TP53BP1: variants seen among roughly 807,000 people sequenced by gnomAD.
The protein encoded by TP53BP1 is tumor protein p53 binding protein 1, also known as TP53-binding protein 1.
Under a neutral mutation model 200.8 loss-of-function variants are expected in TP53BP1, and 61 were observed. That is an observed-to-expected ratio of 0.30 (90% CI 0.25 to 0.38). TP53BP1 has a LOEUF of 0.38. Among genes scored for constraint, TP53BP1 ranks in the 10% least tolerant of loss-of-function variants. The probability of loss-of-function intolerance (pLI) is 1.00; values close to 1 mark genes in which losing one functional copy is unlikely to be tolerated. For missense variants in TP53BP1, 2,144 were observed against 2,371.9 expected (o/e 0.90, Z 2.00); for synonymous variants, 822 against 844.3 (o/e 0.97, Z 0.46).
At chr15:43,481,945 C>T (rs982524781) in intron 4 of TP53BP1, among the ~76,000 whole-genome samples, 2 of 150,816 alleles carry the variant, frequency 1.3e-5, no homozygotes, top group East Asian at 2.0e-4. Flanking sequence ...AAGTTAACAC[C>T]GACCAGGCAC....
intron 26 of TP53BP1, chr15:43,408,519 CTTCT>C (rs766490382): frequency 1.4e-4 from 37 of 269,572 alleles, no homozygotes; most frequent in Admixed American, 4.4e-4. Flanking sequence ...CCTTCTCTTC[CTTCT>C]TTCTATGAAT....
At chr15:43,440,347 T>C (rs1388556060) in intron 15 of TP53BP1, among the ~76,000 whole-genome samples, 6 of 151,436 alleles carry the variant, frequency 4.0e-5, no homozygotes, top group Non-Finnish European at 8.8e-5. Context: ...CCGTCTCCAC[T>C]AAAAATACAA....
intron 1 of TP53BP1, among the ~76,000 whole-genome samples, chr15:43,508,324 C>T (rs1056016146): frequency 1.3e-5 from 2 of 152,172 alleles, no homozygotes; most frequent in Admixed American, 6.5e-5. Context: ...CACGCCACTG[C>T]ACTCCAACCT....
intron 11 of TP53BP1, among the ~76,000 whole-genome samples, chr15:43,457,975 T>C (rs1415959945): frequency 6.6e-6 from 1 of 151,882 alleles, no homozygotes; most frequent in East Asian, 1.9e-4. Context: ...GCCAAGATCG[T>C]GTCATTGCAC....
intron 24 of TP53BP1, among the ~76,000 whole-genome samples, chr15:43,411,645 C>A (rs182885430): frequency 6.6e-6 from 1 of 152,322 alleles, no homozygotes; most frequent in East Asian, 1.9e-4. Flanking sequence ...TGGGCTGCGC[C>A]CAAGGATGAA....
chr15:43,431,411 A>G (rs914747795), intron 17 of TP53BP1, among the ~76,000 whole-genome samples: 1 of 151,764 alleles, frequency 6.6e-6, no homozygotes, highest in Non-Finnish European at 1.5e-5. Context: ...CTTTTCATCT[A>G]CTCAATTTTT....
intron 18 of TP53BP1, among the ~76,000 whole-genome samples, chr15:43,426,297 G>A (rs928380756): frequency 2.6e-5 from 4 of 151,144 alleles, no homozygotes; most frequent in Non-Finnish European, 5.9e-5. Flanking sequence ...AAAATTAGCT[G>A]GGCATGGTGG....
Position 43,404,576 on chromosome 15 carries a change from C to T in TP53BP1, c.*2807G>A, listed in dbSNP as rs756649441. 1 of 1,610,150 alleles carries T rather than the reference C, an allele frequency of 6.2e-7. No individual in the cohort carries two copies. The highest frequency in any genetic ancestry group is 2.2e-5 in the East Asian group (1 of 44,864). ...AGGTAGGAGCAACCCTTGGGTAACT[C>T]AGTAGACTTTTTAAGGTGGCTTTTT... On this transcript the variant is annotated 3_prime_UTR_variant, in exon 28 of 28. Transcript: ENST00000382044.
intron 15 of TP53BP1, among the ~76,000 whole-genome samples, chr15:43,440,549 T>G (rs2045904770): frequency 6.6e-6 from 1 of 151,096 alleles, no homozygotes; most frequent in Non-Finnish European, 1.5e-5. Flanking sequence ...CTCTGTCTTG[T>G]ACCTAGCCAC....
chr15:43,504,113 C>CT (rs970527348), intron 1 of TP53BP1, among the ~76,000 whole-genome samples: 4 of 151,792 alleles, frequency 2.6e-5, no homozygotes, highest in Non-Finnish European at 5.9e-5. Flanking sequence ...AGCAAGACCC[C>CT]CCTCCTCATC....
At chr15:43,413,438 G>T in intron 23 of TP53BP1, 104 bp from the exon 24 acceptor site, 2 of 886,210 alleles carry the variant, frequency 2.3e-6, no homozygotes, top group Non-Finnish European at 3.4e-6. Flanking sequence ...TGATGGGCAG[G>T]CACTGTCCTG....
At chr15:43,425,803 C>A (rs2142994492) in intron 18 of TP53BP1, among the ~76,000 whole-genome samples, 1 of 152,310 alleles carries the variant, frequency 6.6e-6, no homozygotes, top group Middle Eastern at 3.4e-3. Flanking sequence ...GAACAAAAAT[C>A]TTTTTAAAAC....
At chr15:43,426,077 A>AC (rs914235615) in intron 18 of TP53BP1, among the ~76,000 whole-genome samples, 1 of 151,794 alleles carries the variant, frequency 6.6e-6, no homozygotes, top group African/African-American at 2.4e-5. Context: ...AAAAAAAAAA[A>AC]CAAAAAATAT....
chr15:43,464,247 G>T (rs1398965742), intron 11 of TP53BP1, among the ~76,000 whole-genome samples: 2 of 152,168 alleles, frequency 1.3e-5, no homozygotes, highest in Non-Finnish European at 2.9e-5. Context: ...CCACCTGGAA[G>T]AAATAGGACT....
At chr15:43,477,870 G>T in intron 7 of TP53BP1, 111 bp from the exon 8 acceptor site, 1 of 772,452 alleles carries the variant, frequency 1.3e-6, no homozygotes, top group Non-Finnish European at 2.0e-6. Context: ...AATTCCAGTG[G>T]CTCTAATTTA....
intron 1 of TP53BP1, among the ~76,000 whole-genome samples, chr15:43,504,611 C>A (rs1274540789): frequency 6.6e-6 from 1 of 152,032 alleles, no homozygotes; most frequent in Admixed American, 6.6e-5. Context: ...ATAAATAAAT[C>A]CTTAGATGAG....
chr15:43,403,553 G>A lies in TP53BP1; in HGVS notation c.*3830C>T. On this transcript the variant is annotated 3_prime_UTR_variant, in exon 28 of 28. Transcript: ENST00000382044. ...GCTGGCAGGCCTTGCACGTGGCAGT[G>A]TCTATCCTGTCAGATTTGGGAGGTC... 1 of 695,874 alleles carries A rather than the reference G, an allele frequency of 1.4e-6. No individual in the cohort carries two copies. The highest frequency in any genetic ancestry group is 1.9e-5 in the South Asian group (1 of 53,580). 43.1% of individuals were successfully genotyped at this position (695,874 alleles called of 1,614,324 possible).
At chr15:43,411,615 A>G (rs2045118691) in intron 24 of TP53BP1, among the ~76,000 whole-genome samples, 1 of 152,250 alleles carries the variant, frequency 6.6e-6, no homozygotes, top group African/African-American at 2.4e-5. Flanking sequence ...CACTGAAAAT[A>G]TCAAGGATTC....
chr15:43,477,534 A>C, intron 8 of TP53BP1, 59 bp downstream of exon 8: 1 of 1,476,190 alleles, frequency 6.8e-7, no homozygotes. Flanking sequence ...TAGCCTCAGA[A>C]CTAAAGTAAA....
Sources: gnomAD v4.1 joint callset for allele counts (sites outside exome capture counted in the v4.1 genomes callset) on GRCh38, gnomAD v4.1.1 for gene constraint, MANE v1.5 for transcripts, NCBI Gene and HGNC (gene_info 2026-07-23, HGNC 2026-07-21) for gene names.